SLC35B3: variants seen among roughly 807,000 people sequenced by gnomAD.
The protein encoded by SLC35B3 is solute carrier family 35 member B3, also known as adenosine 3'-phospho 5'-phosphosulfate transporter 2.
A neutral mutation model predicts 44.1 loss-of-function variants in SLC35B3; 35 were observed. That is an observed-to-expected ratio of 0.79 (90% CI 0.61 to 1.05). The LOEUF (loss-of-function observed/expected upper bound fraction) is 1.05, where lower values mean the gene tolerates loss of function less well. Ranked by LOEUF, SLC35B3 falls within the 50% of genes least tolerant of loss-of-function variation. The pLI is 0.00. For missense variants in SLC35B3, 414 were observed against 476.4 expected, an observed-to-expected ratio of 0.87 and a Z score of 1.22; for synonymous variants, 146 against 167.3, an observed-to-expected ratio of 0.87 and a Z score of 0.98.
Position 8,430,049 on chromosome 6 carries a change from T to G in SLC35B3, c.112A>C (p.Asn38His). 4 of 1,614,080 alleles carry G rather than the reference T, an allele frequency of 2.5e-6. No homozygotes were observed. Among genetic ancestry groups the G allele is most frequent in the Non-Finnish European group, 3.4e-6 (4 of 1,179,976 alleles). ...ATAGAAATATATTTCCTGGAATTGT[T>G]GAACTTGAGATCCATTGTTATTTTG... Residue 38 changes from asparagine (N) to histidine (H), a missense_variant, in exon 3 of 11, where the codon AAC becomes CAC. Coordinates refer to ENST00000644923, the MANE Select transcript of SLC35B3 (RefSeq NM_001370476.2).
chr6:8,429,656 CTCTACATATGCCTCCTCCCCACTTAAATT>C, intron 3 of SLC35B3, 179 bp downstream of exon 2: 1 of 392,666 alleles, frequency 2.5e-6, no homozygotes, highest in Non-Finnish European at 4.5e-6. Context: ...TCAAGATAGT[CTCTACATATGCCTCCTCCCCACTTAAATT>C]ATTTAACTCT....
At chr6:8,422,658 G>A (rs1392658466) in intron 4 of SLC35B3, 34 bp from the exon 4 acceptor site, 1 of 1,560,306 alleles carries the variant, frequency 6.4e-7, no homozygotes, top group Non-Finnish European at 8.7e-7. Context: ...CTTCATTTTG[G>A]GACCCAATTC....
chr6:8,427,859 T>A, intron 4 of SLC35B3, 78 bp downstream of exon 3: 2 of 1,294,098 alleles, frequency 1.5e-6, no homozygotes, highest in Non-Finnish European at 2.1e-6. Context: ...AATAGAAGTA[T>A]AAATTTCATG....
chr6:8,413,818 G>A, intron 10 of SLC35B3, 119 bp from the exon 10 acceptor site: 1 of 592,962 alleles, frequency 1.7e-6, no homozygotes, highest in Non-Finnish European at 2.8e-6. Flanking sequence ...TCTATTAGAA[G>A]CCTACAATAA....
intron 3 of SLC35B3, among the ~76,000 whole-genome samples, chr6:8,428,880 T>C (rs1763691056): frequency 6.6e-6 from 1 of 152,162 alleles, no homozygotes; most frequent in Non-Finnish European, 1.5e-5. Context: ...ATTATAAATA[T>C]TAAAATTTTT....
intron 4 of SLC35B3, among the ~76,000 whole-genome samples, chr6:8,425,765 T>C (rs1248443451): frequency 6.6e-6 from 1 of 152,194 alleles, no homozygotes; most frequent in African/African-American, 2.4e-5. Flanking sequence ...CAGTCGTTAT[T>C]ACATTTAAAC....
rs998091519 is a variant in SLC35B3 at position 8,419,265 on chromosome 6, T to C, written c.780+315A>G. ...AGCAAGGAAAAGACAAATTGGGCCATATAAAAATTACAAACTTCTACATGG... is the reference window on the plus strand; with the variant it reads ...AGCAAGGAAAAGACAAATTGGGCCACATAAAAATTACAAACTTCTACATGG... On this transcript the variant is annotated intron_variant, in intron 7 of 10. Transcript: ENST00000644923. This position sits in a 1 kb window ranked among gnomAD's most constrained non-coding sequence, Gnocchi z 4.3. 6.6e-6 allele frequency among the ~76,000 whole-genome samples: 1 copy of C among 151,958 alleles called. No individual in the cohort carries two copies. Among genetic ancestry groups the C allele is most frequent in the Non-Finnish European group, 1.5e-5 (1 of 67,926 alleles).
intron 9 of SLC35B3, 74 bp downstream of exon 8, chr6:8,416,810 T>G (rs1334663219): frequency 1.5e-6 from 1 of 648,302 alleles, no homozygotes; most frequent in African/African-American, 1.9e-5. Context: ...GATGTTGCCC[T>G]TATGTTTTGA....
rs1198942597 is a variant in SLC35B3 at position 8,413,469 on chromosome 6, G to A, written c.*80C>T. On this transcript the variant is annotated 3_prime_UTR_variant, in exon 11 of 11. Transcript: ENST00000644923. The stretch of plus-strand genomic sequence containing the variant: ...GATAGCAATGCCTCCAGATCCTTTG[G>A]TTTTTATCAGTCCCTTTGGAAAGTT... 6.1e-6 allele frequency: 8 copies of A among 1,317,152 alleles called. No homozygotes were observed. Among genetic ancestry groups the A allele is most frequent in the Middle Eastern group, 2.6e-4 (1 of 3,860 alleles). The allele number at this position is 1,317,152 out of a possible 1,614,324, so 81.6% of individuals were successfully genotyped here.
Position 8,435,473 on chromosome 6 carries a change from C to G in SLC35B3, c.-174G>C. The stretch of plus-strand genomic sequence containing the variant: ...CTCCTCCTCCTCGCCCACTCCTGCA[C>G]TTTCCACCGCGGCGGTCGCCTCCCC... On this transcript the variant is annotated 5_prime_UTR_variant, in exon 1 of 11. Transcript: ENST00000644923. The surrounding 1 kb of genome is among the most constrained non-coding windows in gnomAD (Gnocchi z 5.5). 9.3e-7 allele frequency: 1 copy of G among 1,077,724 alleles called. No individual in the cohort carries two copies. The allele number at this position is 1,077,724 out of a possible 1,614,324, so 66.8% of individuals were successfully genotyped here. A position where few individuals can be genotyped will look rare whatever the true frequency, so the allele number is the denominator to read the frequency against.
chr6:8,435,191 T>C lies in SLC35B3; in HGVS notation c.-44+152A>G. 1 of 1,288,476 alleles carries C rather than the reference T, an allele frequency of 7.8e-7. No homozygotes were observed. The highest frequency in any genetic ancestry group is 1.0e-6 in the Non-Finnish European group (1 of 988,588). 79.8% of individuals were successfully genotyped at this position (1,288,476 alleles called of 1,614,324 possible). Reference sequence around the variant, plus strand: ...AAACCGCCCGGCCGGTTTCCGCTCTTTCAAAAAAGGGAATCACCCGTTTCT... The same window carrying C: ...AAACCGCCCGGCCGGTTTCCGCTCTCTCAAAAAAGGGAATCACCCGTTTCT... On this transcript the variant is annotated intron_variant, in intron 1 of 10. Coordinates refer to ENST00000644923, the MANE Select transcript of SLC35B3 (RefSeq NM_001370476.2). This position sits in a 1 kb window ranked among gnomAD's most constrained non-coding sequence, Gnocchi z 5.5.
rs746985407 is a variant in SLC35B3, at chr6:8,435,355, A to G, written c.-56T>C. 1.6e-5 allele frequency: 21 copies of G among 1,289,158 alleles called. No individual in the cohort carries two copies. Among genetic ancestry groups the G allele is most frequent in the Non-Finnish European group, 1.7e-5 (17 of 988,834 alleles). 79.9% of individuals were successfully genotyped at this position (1,289,158 alleles called of 1,614,324 possible). On this transcript the variant is annotated 5_prime_UTR_variant, in exon 1 of 11. Coordinates refer to ENST00000644923, the MANE Select transcript of SLC35B3 (RefSeq NM_001370476.2). The surrounding 1 kb of genome is among the most constrained non-coding windows in gnomAD (Gnocchi z 5.5). The stretch of plus-strand genomic sequence containing the variant: ...AAGGCACGCGTACCCCAAGGCCGGT[A>G]TGTCACCCGGAAGGGTGACGGCAGC...
In SLC35B3 at chr6:8,413,228, G is replaced by T; in HGVS notation, c.*321C>A. ...CTATTACGTATCGATTTCTTTGATA[G>T]GATATAATTATAGCCAATTAGTCTT... On this transcript the variant is annotated 3_prime_UTR_variant, in exon 11 of 11. Coordinates refer to ENST00000644923, the MANE Select transcript of SLC35B3 (RefSeq NM_001370476.2). The T allele has an allele frequency of 4.5e-6, 1 of 223,310 alleles. No individual in the cohort carries two copies. Among genetic ancestry groups the T allele is most frequent in the Non-Finnish European group, 8.8e-6 (1 of 114,178 alleles). 13.8% of individuals were successfully genotyped at this position (223,310 alleles called of 1,614,324 possible). A position where few individuals can be genotyped will look rare whatever the true frequency, so the allele number is the denominator to read the frequency against.
chr6:8,424,720 C>A (rs141901889), intron 4 of SLC35B3, among the ~76,000 whole-genome samples: 7 of 152,090 alleles, frequency 4.6e-5, no homozygotes, highest in African/African-American at 1.7e-4. Context: ...TACTTTAGCA[C>A]GCATTACCAC....
intron 2 of SLC35B3, among the ~76,000 whole-genome samples, chr6:8,431,535 G>T (rs1763986183): frequency 6.6e-6 from 1 of 152,078 alleles, no homozygotes; most frequent in Admixed American, 6.5e-5. Context: ...CATTTTATAG[G>T]GCACCTGCCT....
In SLC35B3 at chr6:8,434,052, T is replaced by TC. The variant is rs1554122971; in HGVS notation, c.3+332_3+333insG. 6.7e-6 allele frequency among the ~76,000 whole-genome samples: 1 copy of TC among 150,200 alleles called. No homozygotes were observed. The highest frequency in any genetic ancestry group is 2.1e-4 in the South Asian group (1 of 4,790). On this transcript the variant is annotated intron_variant, in intron 2 of 10. Transcript: ENST00000644923. This position sits in a 1 kb window ranked among gnomAD's most constrained non-coding sequence, Gnocchi z 6.3. ...AACTAAAATATATATATATATATTTTAAAAATCACAGGTGTGTATAATTGC... is the reference window on the plus strand; with the variant it reads ...AACTAAAATATATATATATATATTTTCAAAAATCACAGGTGTGTATAATTGC...
At chr6:8,423,819 C>T (rs930587051) in intron 4 of SLC35B3, among the ~76,000 whole-genome samples, 25 of 152,068 alleles carry the variant, frequency 1.6e-4, no homozygotes, top group African/African-American at 5.3e-4. Flanking sequence ...TGAAAATCCA[C>T]GTGGAAACAA....
At position 8,434,667 on chromosome 6, in the gene SLC35B3, C is replaced by T. The variant is rs1389155070; in HGVS notation, c.-43-237G>A. 6.6e-6 allele frequency among the ~76,000 whole-genome samples: 1 copy of T among 152,118 alleles called. No individual in the cohort carries two copies. The highest frequency in any genetic ancestry group is 2.4e-5 in the African/African-American group (1 of 41,410). On this transcript the variant is annotated intron_variant, in intron 1 of 10. Coordinates refer to ENST00000644923, the MANE Select transcript of SLC35B3 (RefSeq NM_001370476.2). This position sits in a 1 kb window ranked among gnomAD's most constrained non-coding sequence, Gnocchi z 6.3. ...CCAAGTTCCAAACTATCTCAATTCA[C>T]TTAGAAAAACGTTTAATCAAAAAAC...
rs754752160 is a variant in SLC35B3, at chr6:8,435,116, C to A, written c.-44+227G>T. 4.8e-6 allele frequency: 6 copies of A among 1,257,038 alleles called. No homozygotes were observed. The highest frequency in any genetic ancestry group is 6.2e-6 in the Non-Finnish European group (6 of 973,324). 77.9% of individuals were successfully genotyped at this position (1,257,038 alleles called of 1,614,324 possible). On this transcript the variant is annotated intron_variant, in intron 1 of 10. Coordinates refer to ENST00000644923, the MANE Select transcript of SLC35B3 (RefSeq NM_001370476.2). This position sits in a 1 kb window ranked among gnomAD's most constrained non-coding sequence, Gnocchi z 5.5. The stretch of plus-strand genomic sequence containing the variant: ...GGATTGGGACCTGAGGGAGTTCTCG[C>A]CAGCCCGAGGGCGAAAAACGGGCGA...
Sources: gnomAD v4.1 joint callset for allele counts (sites outside exome capture counted in the v4.1 genomes callset) on GRCh38, gnomAD v4.1.1 for gene constraint, Gnocchi (gnomAD v3.1) non-coding constraint, MANE v1.5 for transcripts, NCBI Gene and HGNC (gene_info 2026-07-23, HGNC 2026-07-21) for gene names.